ADAMTS2: variants seen among roughly 807,000 people sequenced by gnomAD.
The protein encoded by ADAMTS2 is ADAM metallopeptidase with thrombospondin type 1 motif 2, also known as A disintegrin and metalloproteinase with thrombospondin motifs 2.
ADAMTS2 carries 50 observed loss-of-function variants against 123.0 expected under a neutral mutation model. The observed-to-expected ratio is 0.41, with a 90% CI of 0.32 to 0.51. The LOEUF (loss-of-function observed/expected upper bound fraction) is 0.51, where lower values mean the gene tolerates loss of function less well. Among genes scored for constraint, ADAMTS2 ranks in the 20% least tolerant of loss-of-function variants. The pLI, the probability that ADAMTS2 is intolerant of heterozygous loss-of-function variation, is 0.35. For synonymous variants in ADAMTS2, 678 were observed against 695.4 expected (o/e 0.98, Z 0.39); for missense variants, 1,494 against 1,705.2 (o/e 0.88, Z 2.18).
rs1050567150 is a variant in ADAMTS2 at position 179,137,792 on chromosome 5, C to T, written c.1928G>A (p.Trp643Ter). 2 of 1,578,178 alleles carry T rather than the reference C, an allele frequency of 1.3e-6. No homozygotes were observed. Among genetic ancestry groups the T allele is most frequent in the African/African-American group, 2.7e-5 (2 of 74,026 alleles). Residue 643 changes from tryptophan to a stop codon, truncating the protein, a stop_gained, in exon 12 of 22, where the codon TGG becomes TAG. Transcript: ENST00000251582. LOFTEE classifies it high-confidence loss of function. ...ACCATCCCGGTGCTCGTGGGGCAGC[C>T]AGTGGTGCTGGGCGTCGCCGTGCTC... ...YFEHGDAQHH[W>*]LPHEHRDAKE...
At chr5:179,275,001 C>T (rs909424621) in intron 2 of ADAMTS2, among the ~76,000 whole-genome samples, 15 of 152,198 alleles carry the variant, frequency 9.9e-5, no homozygotes, top group African/African-American at 2.9e-4. Flanking sequence ...ATGCCATGGC[C>T]GGGGAGGTGG....
Position 179,111,483 on chromosome 5 carries a change from CT to C in ADAMTS2, c.*2383del, listed in dbSNP as rs1330098313. ...TTGAGGACCATCCGGCTCTAGAGGACTCTTGATATATGGCTCAAGGATTGAG... is the reference window on the plus strand; with the variant it reads ...TTGAGGACCATCCGGCTCTAGAGGACCTTGATATATGGCTCAAGGATTGAG... On this transcript the variant is annotated 3_prime_UTR_variant, in exon 22 of 22. Transcript: ENST00000251582. The C allele has an allele frequency of 1.3e-5, 2 of 152,270 alleles. No individual in the cohort carries two copies. Among genetic ancestry groups the C allele is most frequent in the Non-Finnish European group, 2.9e-5 (2 of 68,068 alleles). 9.4% of individuals were successfully genotyped at this position (152,270 alleles called of 1,614,324 possible). A position where few individuals can be genotyped will look rare whatever the true frequency, so the allele number is the denominator to read the frequency against.
At chr5:179,339,319 G>A (rs769149047) in intron 2 of ADAMTS2, among the ~76,000 whole-genome samples, 16 of 152,280 alleles carry the variant, frequency 1.1e-4, no homozygotes, top group Admixed American at 3.9e-4. Context: ...AAAACGAGTT[G>A]GGCCTGGAGC....
intron 4 of ADAMTS2, among the ~76,000 whole-genome samples, chr5:179,203,662 CCAAA>C (rs1764615380): frequency 1.3e-5 from 2 of 152,168 alleles, no homozygotes; most frequent in Non-Finnish European, 2.9e-5. Flanking sequence ...GAAAATTAAT[CCAAA>C]CAAAGTACTC....
intron 2 of ADAMTS2, among the ~76,000 whole-genome samples, chr5:179,289,829 C>T (rs1756135461): frequency 6.6e-6 from 1 of 152,206 alleles, no homozygotes; most frequent in African/African-American, 2.4e-5. Flanking sequence ...GCCAGAAACA[C>T]GTAAGCTCAA....
chr5:179,128,046 C>T lies in ADAMTS2; in HGVS notation c.2530G>A (p.Asp844Asn), dbSNP rs764687535. 2.6e-5 allele frequency: 42 copies of T among 1,613,966 alleles called. No homozygotes were observed. The highest frequency in any genetic ancestry group is 9.9e-5 in the South Asian group (9 of 91,088). The change falls in exon 17 of 22, where the codon GAC (aspartate) becomes AAC (asparagine). Residue 844 changes from aspartate (D) to asparagine (N), a missense_variant. Physicochemically the swap from Asp to Asn is conservative, Grantham distance 23. This residue lies in a region of ADAMTS2 where 953 missense variants were observed against 1,124.7 expected (regional missense o/e 0.85). Transcript: ENST00000251582. This position sits in a 1 kb window ranked among gnomAD's most constrained non-coding sequence, Gnocchi z 4.9. Reference sequence around the variant, plus strand: ...TCCTCTTCCAGGACGTTGTTGTCGTCGACATTCAGTGAGTCCTCATGGATC... The same window carrying T: ...TCCTCTTCCAGGACGTTGTTGTCGTTGACATTCAGTGAGTCCTCATGGATC... Reference protein sequence around the residue: ...YMIHEDSLNVDDNNVLEEDSV... With the variant: ...YMIHEDSLNVNDNNVLEEDSV...
Position 179,272,911 on chromosome 5 carries a change from C to T in ADAMTS2, c.688G>A (p.Gly230Arg), listed in dbSNP as rs376063128. Residue 230 changes from glycine to arginine, a missense_variant and splice_region_variant, in exon 3 of 22, where the codon GGG becomes AGG. Transcript: ENST00000251582. The surrounding 1 kb of genome is among the most constrained non-coding windows in gnomAD (Gnocchi z 5.8). Reference protein sequence around the residue: ...PLGGPQALDTGASLDSLDSLS... With the variant: ...PLGGPQALDTRASLDSLDSLS... ...GCCTGCCCACCTGCAGTAGCCTCAC[C>T]TGTGTCCAGGGCCTGTGGCCCCCCG... 1.1e-5 allele frequency: 18 copies of T among 1,608,880 alleles called. No homozygotes were observed. The highest frequency in any genetic ancestry group is 1.4e-5 in the Non-Finnish European group (17 of 1,179,910).
chr5:179,136,039 T>G lies in ADAMTS2; in HGVS notation c.1955A>C (p.Lys652Thr). 6.2e-7 allele frequency: 1 copy of G among 1,613,240 alleles called. No homozygotes were observed. Among genetic ancestry groups the G allele is most frequent in the Non-Finnish European group, 8.5e-7 (1 of 1,179,984 alleles). The change falls in exon 13 of 22, where the codon AAG becomes ACG. Residue 652 changes from lysine to threonine, a missense_variant. Around this residue, in one of 6 missense-constraint regions of ADAMTS2, gnomAD observed 953 missense variants for 1,124.7 expected, o/e 0.85. Coordinates refer to ENST00000251582, the MANE Select transcript of ADAMTS2 (RefSeq NM_014244.5). ...CTCGCAGTACAGGTGGCATCTCTCC[T>G]TGGCTGGAAGGGAAGCAGCTGGGGG... is the stretch of plus-strand genomic sequence containing the variant. ...HWLPHEHRDA[K>T]ERCHLYCESR...
intron 3 of ADAMTS2, among the ~76,000 whole-genome samples, chr5:179,238,557 G>A (rs909818006): frequency 1.3e-5 from 2 of 152,120 alleles, no homozygotes; most frequent in African/African-American, 4.8e-5. Context: ...AAGGGAACAT[G>A]CAAGCAAAGA....
chr5:179,127,584 G>A (rs556615221), intron 17 of ADAMTS2, among the ~76,000 whole-genome samples: 1 of 152,204 alleles, frequency 6.6e-6, no homozygotes, highest in Non-Finnish European at 1.5e-5. Context: ...GGAGAGAGAA[G>A]CCTCTGGAGG....
chr5:179,165,105 C>T (rs1763671793), intron 5 of ADAMTS2, among the ~76,000 whole-genome samples: 1 of 152,240 alleles, frequency 6.6e-6, no homozygotes, highest in Admixed American at 6.5e-5. Flanking sequence ...GCCAAGGATA[C>T]TGTCCTGACA....
At chr5:179,152,451 G>A (rs1763380156) in intron 9 of ADAMTS2, among the ~76,000 whole-genome samples, 196 bp from the exon 10 acceptor site, 1 of 152,154 alleles carries the variant, frequency 6.6e-6, no homozygotes, top group Admixed American at 6.5e-5. Flanking sequence ...AGCATCCCTG[G>A]ACGCGGCTGG....
Position 179,307,169 on chromosome 5 carries a change from G to T in ADAMTS2, c.535-34105C>A, listed in dbSNP as rs1479404702. Among the ~76,000 whole-genome samples the T allele has an allele frequency of 6.6e-6, 1 of 152,170 alleles. No homozygotes were observed. Among genetic ancestry groups the T allele is most frequent in the East Asian group, 1.9e-4 (1 of 5,184 alleles). On this transcript the variant is annotated intron_variant, in intron 2 of 21. Coordinates refer to ENST00000251582, the MANE Select transcript of ADAMTS2 (RefSeq NM_014244.5). The surrounding 1 kb of genome is among the most constrained non-coding windows in gnomAD (Gnocchi z 5.6). Reference sequence around the variant, plus strand: ...CTGCTAGCATGAGACAGACACAGGGGGCCCGCACTGCAGAGCTGCCCCGGC... The same window carrying T: ...CTGCTAGCATGAGACAGACACAGGGTGCCCGCACTGCAGAGCTGCCCCGGC...
At chr5:179,313,894 ATCGAGACAGAGGAGGGC>A (rs1463059933) in intron 2 of ADAMTS2, among the ~76,000 whole-genome samples, 6 of 76,688 alleles carry the variant, frequency 7.8e-5, no homozygotes, top group Admixed American at 1.3e-4. Context: ...ACACACTCAC[ATCGAGACAGAGGAGGGC>A]CTGGCCGGAG....
At chr5:179,274,207 C>T (rs1433846900) in intron 2 of ADAMTS2, among the ~76,000 whole-genome samples, 1 of 152,194 alleles carries the variant, frequency 6.6e-6, no homozygotes, top group Admixed American at 6.5e-5. Flanking sequence ...AGCTCCTACA[C>T]TTTTATCTTC....
At chr5:179,286,793 A>G (rs962248174) in intron 2 of ADAMTS2, among the ~76,000 whole-genome samples, 2 of 152,008 alleles carry the variant, frequency 1.3e-5, no homozygotes, top group Admixed American at 1.3e-4. Flanking sequence ...TCTAAAATTA[A>G]GGTGTGGGCA....
rs140798579 is a variant in ADAMTS2 at position 179,337,866 on chromosome 5, G to A, written c.534+5901C>T. ...CTTCACCTCCCAGCTGACTCTGCAC[G>A]AGGGCCTGAATTCACTCACTCACCC... is the stretch of plus-strand genomic sequence containing the variant. On this transcript the variant is annotated intron_variant, in intron 2 of 21. Transcript: ENST00000251582. Among the ~76,000 whole-genome samples the A allele has an allele frequency of 4.8e-5, 7 of 147,142 alleles. No individual in the cohort carries two copies. The East Asian group carries it at 1.2e-3, about 26-fold the overall frequency.
At chr5:179,227,693 G>A (rs1045346406) in intron 3 of ADAMTS2, among the ~76,000 whole-genome samples, 1 of 152,186 alleles carries the variant, frequency 6.6e-6, no homozygotes, top group Non-Finnish European at 1.5e-5. Flanking sequence ...GGCAGAGGGG[G>A]AAGGGTGTTC....
intron 11 of ADAMTS2, among the ~76,000 whole-genome samples, chr5:179,139,566 C>T (rs1419146986): frequency 1.3e-5 from 2 of 152,254 alleles, no homozygotes; most frequent in Admixed American, 6.5e-5. Context: ...AGACCACCCC[C>T]GCTTACCCCC....
Sources: gnomAD v4.1 joint callset for allele counts (sites outside exome capture counted in the v4.1 genomes callset) on GRCh38, gnomAD v4.1.1 for gene constraint, gnomAD v4.1.1 regional missense constraint, Gnocchi (gnomAD v3.1) non-coding constraint, MANE v1.5 for transcripts, NCBI Gene and HGNC (gene_info 2026-07-23, HGNC 2026-07-21) for gene names.